Variants in ZFP82 observed in about 807,000 individuals in gnomAD.
The protein encoded by ZFP82 is ZFP82 zinc finger protein, also known as zinc finger protein 82 homolog.
In ZFP82, 30 loss-of-function variants were observed where a neutral mutation model predicts 54.0. That is an observed-to-expected ratio of 0.56 (90% CI 0.42 to 0.75). ZFP82 has a LOEUF of 0.75. Among genes scored for constraint, ZFP82 ranks in the 30% least tolerant of loss-of-function variants. The probability of loss-of-function intolerance (pLI) is 0.00; values close to 1 mark genes in which losing one functional copy is unlikely to be tolerated. For missense variants in ZFP82, 500 were observed against 636.8 expected, an observed-to-expected ratio of 0.79 and a Z score of 2.31; for synonymous variants, 194 against 209.5, an observed-to-expected ratio of 0.93 and a Z score of 0.64.
chr19:36,396,655 C>G (rs1555761525), intron 4 of ZFP82, among the ~76,000 whole-genome samples: 2 of 149,334 alleles, frequency 1.3e-5, no homozygotes, highest in Non-Finnish European at 1.5e-5. Context: ...GACTCCATCT[C>G]AAAAAAAAAT....
downstream of ZFP82, among the ~76,000 whole-genome samples, chr19:36,385,390 A>G (rs572835797): frequency 4.1e-4 from 62 of 152,356 alleles, 1 homozygote; most frequent in African/African-American, 1.4e-3. Flanking sequence ...GTATTCTGTT[A>G]TAGCAACACA....
chr19:36,396,544 T>C (rs1243794328), intron 4 of ZFP82, among the ~76,000 whole-genome samples: 2 of 151,916 alleles, frequency 1.3e-5, no homozygotes, highest in Non-Finnish European at 2.9e-5. Context: ...TAGTCCCAGC[T>C]ACTCGGGAGG....
intron 1 of ZFP82, among the ~76,000 whole-genome samples, chr19:36,412,514 G>A (rs1264223306): frequency 4.6e-5 from 7 of 152,138 alleles, no homozygotes; most frequent in Non-Finnish European, 7.4e-5. Context: ...TTCTAAGTGT[G>A]TTCATGTATG....
Position 36,405,619 on chromosome 19 carries a change from G to C in ZFP82, c.190C>G (p.Pro64Ala), listed in dbSNP as rs564743279. ...VISSLEQGKE[P>A]WKVVRKGRRQ... ...CTTCCTTTCCTCACAACTTTCCAAG[G>C]CTCTTTTCCTTGCTCCAATGAGGAA... Residue 64 changes from proline to alanine, a missense_variant, in exon 4 of 5, where the codon CCT becomes GCT. Physicochemically the swap from Pro to Ala is conservative, Grantham distance 27. Transcript: ENST00000392161. 1 of 1,610,850 alleles carries C rather than the reference G, an allele frequency of 6.2e-7. No individual in the cohort carries two copies. The highest frequency in any genetic ancestry group is 8.5e-7 in the Non-Finnish European group (1 of 1,177,766).
At chr19:36,412,066 G>A (rs1400741569) in intron 1 of ZFP82, among the ~76,000 whole-genome samples, 3 of 99,552 alleles carry the variant, frequency 3.0e-5, no homozygotes, top group East Asian at 2.9e-4. Context: ...AAAAACAGAC[G>A]TGAGAGAAAC....
downstream of ZFP82, among the ~76,000 whole-genome samples, chr19:36,387,220 G>A (rs1224719162): frequency 6.6e-6 from 1 of 152,192 alleles, no homozygotes; most frequent in Middle Eastern, 3.2e-3. Context: ...TCAGAATGGA[G>A]TGTATGTATT....
chr19:36,395,039 T>A (rs987737546), intron 4 of ZFP82: 2 of 152,226 alleles, frequency 1.3e-5, no homozygotes, highest in Non-Finnish European at 2.9e-5. Context: ...TAGTCTCTCA[T>A]GCCTTACTAC....
In ZFP82 at chr19:36,388,985, A is replaced by G. The variant is rs932891807; in HGVS notation, c.*3756T>C. Among the ~76,000 whole-genome samples, 1 of 151,922 alleles carries G rather than the reference A, an allele frequency of 6.6e-6. No individual in the cohort carries two copies. The highest frequency in any genetic ancestry group is 2.4e-5 in the African/African-American group (1 of 41,372). On this transcript the variant is annotated 3_prime_UTR_variant, in exon 5 of 5. Transcript: ENST00000392161. Reference sequence around the variant, plus strand: ...TGGTGATTTCCCCCAAGTTATCTGTAGGCAACATGTGATCATTCATCACTA... The same window carrying G: ...TGGTGATTTCCCCCAAGTTATCTGTGGGCAACATGTGATCATTCATCACTA...
intron 1 of ZFP82, 21 bp from the exon 2 acceptor site, chr19:36,409,888 C>T: frequency 7.6e-7 from 1 of 1,308,520 alleles, no homozygotes; most frequent in Non-Finnish European, 1.1e-6. Flanking sequence ...GAAAACAAGG[C>T]CATGAGATCA....
chr19:36,401,060 CTTT>C (rs3086001), intron 4 of ZFP82, among the ~76,000 whole-genome samples: 93,445 of 146,598 alleles, frequency 0.64, 29,546 homozygotes, highest in Admixed American at 0.68. Context: ...GCTGCCCCTT[CTTT>C]TTTTTTTTTT....
chr19:36,386,118 G>A (rs1034966372), downstream of ZFP82, among the ~76,000 whole-genome samples: 4 of 152,204 alleles, frequency 2.6e-5, no homozygotes, highest in Non-Finnish European at 4.4e-5. Flanking sequence ...GCATTCTGGC[G>A]CTCTTTGAGG....
At position 36,393,782 on chromosome 19, in the gene ZFP82, A is replaced by G. The variant is rs766173004; in HGVS notation, c.558T>C (p.Thr186=). ...CACCAGTATGAATTCTGTGATGAAA[A>G]GTAAGCTGTTGGCGCACTCTGAACG... ...GKAFRVRQQL[T]FHHRIHTGEK... Residue 186 remains threonine (T), a synonymous_variant, in exon 5 of 5, where the codon ACT becomes ACC. Transcript: ENST00000392161. The G allele has an allele frequency of 1.9e-6, 3 of 1,613,662 alleles. No homozygotes were observed. The highest frequency in any genetic ancestry group is 2.5e-6 in the Non-Finnish European group (3 of 1,179,862).
intron 4 of ZFP82, among the ~76,000 whole-genome samples, chr19:36,404,232 C>T (rs2032443296): frequency 6.6e-6 from 1 of 152,168 alleles, no homozygotes; most frequent in African/African-American, 2.4e-5. Flanking sequence ...CCTCTTTTGG[C>T]TAAAGACCCC....
rs184240933 is a variant in ZFP82 at position 36,390,314 on chromosome 19, T to A, written c.*2427A>T. The A allele has an allele frequency of 6.7e-6, 1 of 148,600 alleles. No individual in the cohort carries two copies. Among genetic ancestry groups the A allele is most frequent in the African/African-American group, 2.5e-5 (1 of 40,264 alleles). The allele number at this position is 148,600 out of a possible 1,614,324, so 9.2% of individuals were successfully genotyped here. ...ACGTTTCTTAGTCTCCTTTAAAGTG[T>A]AGGATTCCATTTTTGTCTTTTTTTT... On this transcript the variant is annotated 3_prime_UTR_variant, in exon 5 of 5. Coordinates refer to ENST00000392161, the MANE Select transcript of ZFP82 (RefSeq NM_133466.4).
Position 36,393,148 on chromosome 19 carries a change from C to T in ZFP82, c.1192G>A (p.Glu398Lys). 6.2e-7 allele frequency: 1 copy of T among 1,613,862 alleles called. No homozygotes were observed. The stretch of plus-strand genomic sequence containing the variant: ...TAGCGACTAAAGGCTTTCCAGCATT[C>T]CTTACATTCGTAAGGTTTTTCACCA... Reference protein sequence around the residue: ...HTGEKPYECKECWKAFSRYSQ... With the variant: ...HTGEKPYECKKCWKAFSRYSQ... Residue 398 changes from glutamate (E) to lysine (K), a missense_variant, in exon 5 of 5, where the codon GAA becomes AAA. Transcript: ENST00000392161.
intron 2 of ZFP82, among the ~76,000 whole-genome samples, chr19:36,408,988 C>CACATAAAGTGATA (rs2032532227): frequency 6.6e-6 from 1 of 152,166 alleles, no homozygotes; most frequent in Non-Finnish European, 1.5e-5. Context: ...CACATGCTAT[C>CACATAAAGTGATA]ACTTTCCATC....
At chr19:36,416,532 AG>A in intron 1 of ZFP82, among the ~76,000 whole-genome samples, 1 of 151,970 alleles carries the variant, frequency 6.6e-6, no homozygotes, top group Non-Finnish European at 1.5e-5. Context: ...CAAGGCGGGC[AG>A]ATCACCTGAG....
chr19:36,394,599 C>T (rs1289829983), intron 4 of ZFP82: 1 of 159,994 alleles, frequency 6.3e-6, no homozygotes, highest in African/African-American at 2.4e-5. Context: ...ACCAGTGTCC[C>T]CTTTACTGCT....
chr19:36,404,034 A>G (rs2032440043), intron 4 of ZFP82, among the ~76,000 whole-genome samples: 1 of 152,074 alleles, frequency 6.6e-6, no homozygotes. Context: ...ATTACCTGAC[A>G]TTGTATTTCC....
Sources: gnomAD v4.1 joint callset for allele counts (sites outside exome capture counted in the v4.1 genomes callset) on GRCh38, gnomAD v4.1.1 for gene constraint, MANE v1.5 for transcripts, NCBI Gene and HGNC (gene_info 2026-07-23, HGNC 2026-07-21) for gene names.